Variants in CCNI observed in about 807,000 individuals in gnomAD.
The protein encoded by CCNI is cyclin-I.
A neutral mutation model predicts 34.1 loss-of-function variants in CCNI; 14 were observed. The observed-to-expected ratio is 0.41, with a 90% confidence interval of 0.27 to 0.64. The LOEUF is 0.64. Ranked by LOEUF, CCNI falls within the 30% of genes least tolerant of loss-of-function variation. CCNI has a pLI of 0.31. For synonymous variants in CCNI, 154 were observed against 158.4 expected (o/e 0.97, Z 0.21); for missense variants, 385 against 440.5 (o/e 0.87, Z 1.13).
chr4:77,054,631 A>G (rs2109798124), intron 6 of CCNI, among the ~76,000 whole-genome samples: 1 of 152,250 alleles, frequency 6.6e-6, no homozygotes, highest in East Asian at 1.9e-4. Context: ...ATCTGTAGAT[A>G]CAAGTTACAA....
At chr4:77,073,076 C>A (rs1729608067) in intron 1 of CCNI, among the ~76,000 whole-genome samples, 1 of 152,204 alleles carries the variant, frequency 6.6e-6, no homozygotes. Context: ...TTTAACAGAA[C>A]TATATAGTTA....
intron 2 of CCNI, among the ~76,000 whole-genome samples, chr4:77,065,474 A>G (rs1268727791): frequency 1.3e-5 from 2 of 152,266 alleles, no homozygotes; most frequent in African/African-American, 2.4e-5. Context: ...CTATGCAGCT[A>G]ACAGTAGTTA....
At chr4:77,063,639 A>G (rs543299606) in intron 2 of CCNI, among the ~76,000 whole-genome samples, 44 of 151,486 alleles carry the variant, frequency 2.9e-4, no homozygotes, top group East Asian at 9.7e-4. Context: ...GCAGTGAGCC[A>G]AGATCGCGCC....
chr4:77,067,466 G>A (rs983441769), intron 1 of CCNI, among the ~76,000 whole-genome samples: 1 of 152,014 alleles, frequency 6.6e-6, no homozygotes, highest in Non-Finnish European at 1.5e-5. Flanking sequence ...AGACAACATA[G>A]AGTCCAAGAG....
chr4:77,065,572 G>A (rs1728974145), intron 2 of CCNI, among the ~76,000 whole-genome samples: 2 of 152,160 alleles, frequency 1.3e-5, no homozygotes, highest in Non-Finnish European at 2.9e-5. Context: ...AATGATGAAA[G>A]AGTAGGTTTT....
chr4:77,053,918 TTTAA>T (rs1336398361), intron 6 of CCNI, among the ~76,000 whole-genome samples: 1 of 152,178 alleles, frequency 6.6e-6, no homozygotes, highest in African/African-American at 2.4e-5. Context: ...CATTACAGCA[TTTAA>T]TTATTTTAAT....
chr4:77,068,172 G>A (rs1247145881), intron 1 of CCNI, among the ~76,000 whole-genome samples: 2 of 151,728 alleles, frequency 1.3e-5, no homozygotes, highest in African/African-American at 2.4e-5. Context: ...GCAAGACTCC[G>A]TCTCAAAACA....
Position 77,048,341 on chromosome 4 carries a change from T to G in CCNI, c.1012A>C (p.Lys338Gln), listed in dbSNP as rs1191233957. 4.3e-6 allele frequency: 7 copies of G among 1,614,086 alleles called. No individual in the cohort carries two copies. Among genetic ancestry groups the G allele is most frequent in the East Asian group, 2.2e-5 (1 of 44,904 alleles). ...ACATTATCTTCATTATAGAGCCGTT[T>G]GATTCCATCATAGAAGTCATCCACT... The part of the protein sequence containing the change: ...MEVDDFYDGI[K>Q]RLYNEDNVSE... The change falls in exon 7 of 7, where the codon AAA (lysine) becomes CAA (glutamine). Residue 338 changes from lysine to glutamine, a missense_variant. This residue lies in a region of CCNI where 250 missense variants were observed against 248.7 expected (regional missense o/e 1.01). Coordinates refer to ENST00000237654, the MANE Select transcript of CCNI (RefSeq NM_006835.3).
chr4:77,056,538 TGAAAG>T (rs971170314), intron 3 of CCNI: 20 of 507,866 alleles, frequency 3.9e-5, no homozygotes, highest in Non-Finnish European at 5.3e-5. Flanking sequence ...AGAGCAGTAA[TGAAAG>T]GAAGGAAAGT....
chr4:77,071,593 A>G (rs1397066563), intron 1 of CCNI, among the ~76,000 whole-genome samples: 2 of 152,230 alleles, frequency 1.3e-5, no homozygotes, highest in African/African-American at 4.8e-5. Flanking sequence ...ATCAAAATGG[A>G]CAAACCTTTA....
At chr4:77,070,875 A>G (rs899385343) in intron 1 of CCNI, among the ~76,000 whole-genome samples, 2 of 152,220 alleles carry the variant, frequency 1.3e-5, no homozygotes, top group Admixed American at 6.5e-5. Flanking sequence ...TGTAAACCAG[A>G]TGACCATCTG....
In CCNI at chr4:77,055,270, G is replaced by C; in HGVS notation, c.570C>G (p.Ala190=). The C allele has an allele frequency of 6.2e-7, 1 of 1,614,116 alleles. No individual in the cohort carries two copies. Among genetic ancestry groups the C allele is most frequent in the Non-Finnish European group, 8.5e-7 (1 of 1,179,974 alleles). The change falls in exon 6 of 7, where the codon GCC becomes GCG. Residue 190 remains alanine (A), a synonymous_variant. Transcript: ENST00000237654. The stretch of plus-strand genomic sequence containing the variant: ...CTCTGAATTGCAGAAGTTGGTTGCA[G>C]GCCATACAGTGAAGTAGTTGCTTGG... ...VLTKQLLHCM[A]CNQLLQFRGS...
At chr4:77,049,458 G>C (rs561687835) in intron 6 of CCNI, among the ~76,000 whole-genome samples, 2 of 152,036 alleles carry the variant, frequency 1.3e-5, no homozygotes, top group African/African-American at 4.8e-5. Context: ...CAGGTGGATC[G>C]CTTGAAGCCA....
chr4:77,048,972 T>TG (rs1727648089), intron 6 of CCNI, among the ~76,000 whole-genome samples: 1 of 144,066 alleles, frequency 6.9e-6, no homozygotes, highest in Non-Finnish European at 1.5e-5. Context: ...GTTTTTTTTT[T>TG]TTTTTTTTTT....
At chr4:77,067,495 T>C (rs1477212557) in intron 1 of CCNI, among the ~76,000 whole-genome samples, 1 of 152,028 alleles carries the variant, frequency 6.6e-6, no homozygotes, top group Non-Finnish European at 1.5e-5. Context: ...CTAGGTTTTA[T>C]GTTTATATGT....
chr4:77,058,916 T>C (rs1397384122), intron 2 of CCNI, among the ~76,000 whole-genome samples: 1 of 152,158 alleles, frequency 6.6e-6, no homozygotes, highest in Non-Finnish European at 1.5e-5. Context: ...TCAGAGAATA[T>C]AACATTTTAA....
Position 77,066,523 on chromosome 4 carries a change from T to G in CCNI, c.-43-118A>C, listed in dbSNP as rs922122509. ...TGCTATGAGGCAGTATAGGATTTTA[T>G]AGCTCTTTAAAATATCGTATTAAAA... is the stretch of plus-strand genomic sequence containing the variant. On this transcript the variant is annotated intron_variant, in intron 1 of 6. Transcript: ENST00000237654. The G allele has an allele frequency of 6.0e-6, 4 of 662,834 alleles. No homozygotes were observed. The Admixed American group carries it at 1.3e-4, about 21-fold the overall frequency. The allele number at this position is 662,834 out of a possible 1,614,324, so 41.1% of individuals were successfully genotyped here. A position where few individuals can be genotyped will look rare whatever the true frequency, so the allele number is the denominator to read the frequency against.
At chr4:77,057,170 C>G (rs1240616512) in intron 3 of CCNI, among the ~76,000 whole-genome samples, 1 of 141,228 alleles carries the variant, frequency 7.1e-6, no homozygotes, top group African/African-American at 2.4e-5. Context: ...TCCTCCCTCC[C>G]TCTCTACTAC....
chr4:77,072,638 T>TAAAAAAAAAAAAAAAAAAAA (rs61247567), intron 1 of CCNI, among the ~76,000 whole-genome samples: 2 of 101,386 alleles, frequency 2.0e-5, no homozygotes, highest in African/African-American at 8.1e-5. Flanking sequence ...CCCAATCTCT[T>TAAAAAAAAAAAAAAAAAAAA]AAAAAAAAAA....
Sources: gnomAD v4.1 joint callset for allele counts (sites outside exome capture counted in the v4.1 genomes callset) on GRCh38, gnomAD v4.1.1 for gene constraint, gnomAD v4.1.1 regional missense constraint, MANE v1.5 for transcripts, NCBI Gene and HGNC (gene_info 2026-07-23, HGNC 2026-07-21) for gene names.